PITPNB: variants seen among roughly 807,000 people sequenced by gnomAD.
PITPNB encodes phosphatidylinositol transfer protein beta isoform.
Under a neutral mutation model 45.9 loss-of-function variants are expected in PITPNB, and 16 were observed. The ratio of observed to expected loss-of-function variants is 0.35; its 90% CI spans 0.24 to 0.53. The LOEUF (loss-of-function observed/expected upper bound fraction) is 0.53, where lower values mean the gene tolerates loss of function less well. PITPNB is among the 20% of genes least tolerant of loss of function. PITPNB has a pLI of 0.93. For missense variants in PITPNB, 188 were observed against 330.5 expected (o/e 0.57, Z 3.34); for synonymous variants, 112 against 108.9 (o/e 1.03, Z -0.18).
Position 27,854,838 on chromosome 22 carries a change from C to G in PITPNB, c.*38+16G>C. On this transcript the variant is annotated intron_variant, in intron 11 of 11. Transcript: ENST00000335272. ...TACAGGTTTCGAAACATCTTTTTAC[C>G]CAGGTCTTCACTTACACAGTTTGAC... 6.5e-7 allele frequency: 1 copy of G among 1,544,064 alleles called. No homozygotes were observed. The highest frequency in any genetic ancestry group is 8.9e-7 in the Non-Finnish European group (1 of 1,119,920).
intron 7 of PITPNB, among the ~76,000 whole-genome samples, chr22:27,888,218 A>T (rs988273194): frequency 6.6e-6 from 1 of 152,212 alleles, no homozygotes; most frequent in Non-Finnish European, 1.5e-5. Context: ...TAATGATTGC[A>T]CTGAACTCCA....
chr22:27,906,802 C>T (rs1457614122), intron 3 of PITPNB, among the ~76,000 whole-genome samples: 1 of 152,194 alleles, frequency 6.6e-6, no homozygotes, highest in African/African-American at 2.4e-5. Flanking sequence ...GATGATGTAT[C>T]ACCTGAGATT....
intron 7 of PITPNB, among the ~76,000 whole-genome samples, chr22:27,879,035 T>C (rs1374963655): frequency 3.3e-5 from 5 of 152,138 alleles, no homozygotes; most frequent in Non-Finnish European, 5.9e-5. Flanking sequence ...CATAACACTT[T>C]TTTTTTTTGG....
chr22:27,909,831 C>A (rs1182461166), intron 3 of PITPNB, among the ~76,000 whole-genome samples: 1 of 152,092 alleles, frequency 6.6e-6, no homozygotes, highest in Non-Finnish European at 1.5e-5. Context: ...TTCGCCCAGG[C>A]TGAAGTGCAG....
At chr22:27,853,871 A>G (rs1934096443) in intron 11 of PITPNB, among the ~76,000 whole-genome samples, 1 of 152,236 alleles carries the variant, frequency 6.6e-6, no homozygotes, top group Admixed American at 6.5e-5. Context: ...AGGGGAAAAT[A>G]AAGTCGAGGC....
rs928388828 is a variant in PITPNB at position 27,897,318 on chromosome 22, T to G, written c.290-181A>C. Among the ~76,000 whole-genome samples, 27 of 152,224 alleles carry G rather than the reference T, an allele frequency of 1.8e-4. 1 individual carries two copies. The highest frequency in any genetic ancestry group is 1.6e-3 in the Admixed American group (24 of 15,280). On this transcript the variant is annotated intron_variant, in intron 4 of 11. Transcript: ENST00000335272. ...ACACAAGTGACACTATACAGTACAT[T>G]AGATTATGGAGTACAAATAAAATAT...
chr22:27,916,096 T>C (rs761933242), intron 1 of PITPNB, among the ~76,000 whole-genome samples: 7 of 152,198 alleles, frequency 4.6e-5, no homozygotes, highest in Non-Finnish European at 8.8e-5. Context: ...TTCCCTTAAG[T>C]TTCACAAAAC....
chr22:27,855,132 A>T (rs1351659592), intron 10 of PITPNB, among the ~76,000 whole-genome samples, 193 bp from the exon 11 acceptor site: 1 of 152,248 alleles, frequency 6.6e-6, no homozygotes, highest in Non-Finnish European at 1.5e-5. Context: ...TTCTTAGCAC[A>T]AAAAAGGTTT....
At chr22:27,911,755 T>C (rs774226859) in intron 2 of PITPNB, among the ~76,000 whole-genome samples, 4 of 152,222 alleles carry the variant, frequency 2.6e-5, no homozygotes, top group Non-Finnish European at 4.4e-5. Flanking sequence ...AAATGGTTCA[T>C]TGTGAGTCCT....
chr22:27,914,980 A>G (rs1835536159), intron 1 of PITPNB, among the ~76,000 whole-genome samples: 1 of 152,214 alleles, frequency 6.6e-6, no homozygotes, highest in Admixed American at 6.5e-5. Context: ...AGAGTTTCTT[A>G]TTGTATATAC....
intron 10 of PITPNB, among the ~76,000 whole-genome samples, chr22:27,856,781 C>T (rs1934186524): frequency 6.6e-6 from 1 of 152,142 alleles, no homozygotes; most frequent in African/African-American, 2.4e-5. Flanking sequence ...AGTGGACACC[C>T]ACCAGCTGCT....
intron 7 of PITPNB, among the ~76,000 whole-genome samples, chr22:27,886,455 A>G (rs1299990689): frequency 3.3e-5 from 5 of 152,230 alleles, no homozygotes; most frequent in African/African-American, 1.2e-4. Context: ...CCTTGTTCCT[A>G]GAGTTATTGT....
intron 1 of PITPNB, among the ~76,000 whole-genome samples, chr22:27,918,146 T>C (rs1301669008): frequency 2.0e-5 from 3 of 152,180 alleles, no homozygotes; most frequent in Non-Finnish European, 4.4e-5. Flanking sequence ...TTGCAGAGGC[T>C]TTGACTTTTA....
intron 4 of PITPNB, among the ~76,000 whole-genome samples, chr22:27,897,535 G>T (rs990469840): frequency 6.6e-6 from 1 of 152,058 alleles, no homozygotes; most frequent in Admixed American, 6.5e-5. Context: ...GAGTGTAAAC[G>T]ACCTTTCTTT....
intron 7 of PITPNB, among the ~76,000 whole-genome samples, chr22:27,884,777 T>G (rs991934656): frequency 6.6e-6 from 1 of 152,230 alleles, no homozygotes; most frequent in African/African-American, 2.4e-5. Context: ...TCTCTCAATT[T>G]AATGCTTTTA....
At chr22:27,879,625 CAATGA>C (rs1207458061) in intron 7 of PITPNB, among the ~76,000 whole-genome samples, 1 of 152,194 alleles carries the variant, frequency 6.6e-6, no homozygotes, top group Non-Finnish European at 1.5e-5. Context: ...ACTCTACTAC[CAATGA>C]AATGAGTTTT....
At chr22:27,903,425 C>T (rs1161367421) in intron 3 of PITPNB, among the ~76,000 whole-genome samples, 2 of 147,740 alleles carry the variant, frequency 1.4e-5, no homozygotes, top group Non-Finnish European at 1.5e-5. Flanking sequence ...GCCGAGATCA[C>T]GCCATTGCAC....
intron 10 of PITPNB, among the ~76,000 whole-genome samples, chr22:27,857,689 T>A (rs971402057): frequency 2.6e-5 from 4 of 152,154 alleles, no homozygotes; most frequent in Non-Finnish European, 4.4e-5. Context: ...AAGACAAGCA[T>A]GGCCCAGGGC....
chr22:27,893,449 A>G lies in PITPNB; in HGVS notation c.456+1106T>C, dbSNP rs184785056. Reference sequence around the variant, plus strand: ...ATAGGCGCCCACCACCATACCGGCTAATTTTTTGTATTTTTAGTAGAGAAG... The same window carrying G: ...ATAGGCGCCCACCACCATACCGGCTGATTTTTTGTATTTTTAGTAGAGAAG... On this transcript the variant is annotated intron_variant, in intron 7 of 11. Coordinates refer to ENST00000335272, the MANE Select transcript of PITPNB (RefSeq NM_012399.5). Among the ~76,000 whole-genome samples, 344 of 150,924 alleles carry G rather than the reference A, an allele frequency of 2.3e-3. 1 individual carries two copies. The highest frequency in any genetic ancestry group is 4.8e-3 in the Admixed American group (73 of 15,188).
Sources: gnomAD v4.1 joint callset for allele counts (sites outside exome capture counted in the v4.1 genomes callset) on GRCh38, gnomAD v4.1.1 for gene constraint, MANE v1.5 for transcripts, NCBI Gene and HGNC (gene_info 2026-07-23, HGNC 2026-07-21) for gene names.